ACACB: variants seen among roughly 807,000 people sequenced by gnomAD.
ACACB encodes acetyl-CoA carboxylase 2.
Under a neutral mutation model 278.8 loss-of-function variants are expected in ACACB, and 209 were observed. The ratio of observed to expected loss-of-function variants is 0.75; its 90% CI spans 0.67 to 0.84. The LOEUF (loss-of-function observed/expected upper bound fraction) is 0.84, where lower values mean the gene tolerates loss of function less well. ACACB is among the 40% of genes least tolerant of loss of function. The probability of loss-of-function intolerance (pLI) is 0.00; values close to 1 mark genes in which losing one functional copy is unlikely to be tolerated. For synonymous variants in ACACB, 1,174 were observed against 1,285.6 expected (o/e 0.91, Z 1.86); for missense variants, 2,850 against 3,269.0 (o/e 0.87, Z 3.13).
At chr12:109,209,078 G>C in intron 20 of ACACB, 87 bp from the exon 21 acceptor site, 1 of 1,426,998 alleles carries the variant, frequency 7.0e-7, no homozygotes. Flanking sequence ...GGTCAGGATG[G>C]GTTGAGCTGT....
chr12:109,117,074 G>C (rs1343401476), intron 1 of ACACB, among the ~76,000 whole-genome samples: 27 of 95,570 alleles, frequency 2.8e-4, no homozygotes, highest in Non-Finnish European at 3.9e-4. Context: ...TTTTTTTAAA[G>C]CAGACTAAGG....
chr12:109,196,553 C>T (rs1024813205), intron 16 of ACACB, among the ~76,000 whole-genome samples: 7 of 152,176 alleles, frequency 4.6e-5, no homozygotes, highest in African/African-American at 1.4e-4. Context: ...ATGATCTCAT[C>T]ACCTCCCAAA....
rs759420977 is a variant in ACACB at position 109,164,294 on chromosome 12, G to T, written c.654-2567G>T. ...GTCGCCCAGGCTGGAGTCCAGTGGC[G>T]CGATCTCGGCTTACTGCAACCTCCA... On this transcript the variant is annotated intron_variant, in intron 2 of 52. Coordinates refer to ENST00000338432, the MANE Select transcript of ACACB (RefSeq NM_001093.4). Among the ~76,000 whole-genome samples, 5 of 152,210 alleles carry T rather than the reference G, an allele frequency of 3.3e-5. No individual in the cohort carries two copies. The East Asian group carries it at 9.7e-4, about 29-fold the overall frequency.
At chr12:109,257,977 C>G (rs1455922467) in intron 45 of ACACB, among the ~76,000 whole-genome samples, 1 of 152,230 alleles carries the variant, frequency 6.6e-6, no homozygotes, top group Admixed American at 6.5e-5. Flanking sequence ...TTGGACAGTG[C>G]AGATGGAGAA....
intron 4 of ACACB, among the ~76,000 whole-genome samples, chr12:109,171,566 T>C (rs1565885395): frequency 6.6e-6 from 1 of 151,828 alleles, no homozygotes; most frequent in Non-Finnish European, 1.5e-5. Context: ...CCCAGGCCGG[T>C]TTCGAACTCC....
chr12:109,227,479 C>A lies in ACACB; in HGVS notation c.3991C>A (p.His1331Asn). The stretch of plus-strand genomic sequence containing the variant: ...ATTCCAGTTCATGCTGCCGTCCTCC[C>A]ACCCAAACCGGTATGGAGTGGGACA... ...VEFQFMLPSS[H>N]PNRMTVPISI... The change falls in exon 28 of 53, where the codon CAC becomes AAC. Residue 1331 changes from histidine to asparagine, a missense_variant. Coordinates refer to ENST00000338432, the MANE Select transcript of ACACB (RefSeq NM_001093.4). The A allele has an allele frequency of 6.2e-7, 1 of 1,614,010 alleles. No individual in the cohort carries two copies. The highest frequency in any genetic ancestry group is 8.5e-7 in the Non-Finnish European group (1 of 1,179,938).
At chr12:109,264,147 C>T in intron 49 of ACACB, 85 bp from the exon 50 acceptor site, 1 of 1,435,220 alleles carries the variant, frequency 7.0e-7, no homozygotes, top group Non-Finnish European at 9.5e-7. Flanking sequence ...CTGATTTGTG[C>T]CTTCTTCAAA....
At chr12:109,207,619 G>A (rs190307906) in intron 20 of ACACB, among the ~76,000 whole-genome samples, 2 of 152,326 alleles carry the variant, frequency 1.3e-5, no homozygotes, top group African/African-American at 4.8e-5. Context: ...TCTCAGGAGA[G>A]CAAATCATGA....
intron 41 of ACACB, among the ~76,000 whole-genome samples, chr12:109,250,838 G>T (rs1419638292): frequency 2.0e-5 from 3 of 152,100 alleles, no homozygotes; most frequent in Admixed American, 1.3e-4. Flanking sequence ...ATGAAATGAA[G>T]TACACTTGGA....
intron 1 of ACACB, among the ~76,000 whole-genome samples, chr12:109,135,234 T>G (rs2042937231): frequency 6.6e-6 from 1 of 152,212 alleles, no homozygotes; most frequent in Non-Finnish European, 1.5e-5. Flanking sequence ...TGAAGTGGTA[T>G]CTCACTGTGA....
At chr12:109,210,107 A>ATG (rs779252411) in intron 21 of ACACB, among the ~76,000 whole-genome samples, 1 of 103,284 alleles carries the variant, frequency 9.7e-6, no homozygotes, top group African/African-American at 4.3e-5. Context: ...GTGTGTGTAT[A>ATG]TGTATATATA....
chr12:109,234,801 G>A (rs1413176171), intron 31 of ACACB, among the ~76,000 whole-genome samples: 3 of 152,026 alleles, frequency 2.0e-5, no homozygotes, highest in Non-Finnish European at 4.4e-5. Context: ...GGCCTGTCGG[G>A]GGGTGGGGGC....
intron 18 of ACACB, 80 bp from the exon 19 acceptor site, chr12:109,201,487 G>C (rs2045329172): frequency 3.8e-6 from 6 of 1,562,676 alleles, no homozygotes; most frequent in Middle Eastern, 1.7e-4. Flanking sequence ...GCGCGTCCCT[G>C]CTCCGGCATC....
At position 109,237,448 on chromosome 12, in the gene ACACB, G is replaced by A. The variant is rs1020770765; in HGVS notation, c.4662+68G>A. 23 of 1,491,024 alleles carry A rather than the reference G, an allele frequency of 1.5e-5. No homozygotes were observed. The African/African-American group carries it at 2.6e-4, about 17-fold the overall frequency. The allele number at this position is 1,491,024 out of a possible 1,614,324, so 92.4% of individuals were successfully genotyped here. ...CCTCCCTTCCTTACATTCCTGCTCT[G>A]TGCTGGGTCCTGGGCTGCATGCTGG... On this transcript the variant is annotated intron_variant, in intron 34 of 52. Transcript: ENST00000338432.
rs774678326 is a variant in ACACB at position 109,250,109 on chromosome 12, GTCT to G, written c.5790+12_5790+14del. The stretch of plus-strand genomic sequence containing the variant: ...GAGATCGTCACCATTAGCTTGGTGA[GTCT>G]TCTTCTATTTTCTCTTACTTTTCAA... On this transcript the variant is annotated splice_donor_region_variant and intron_variant, in intron 41 of 52. Transcript: ENST00000338432. 11 of 1,579,300 alleles carry G rather than the reference GTCT, an allele frequency of 7.0e-6. No homozygotes were observed. Among genetic ancestry groups the G allele is most frequent in the East Asian group, 2.3e-5 (1 of 43,888 alleles).
Position 109,127,443 on chromosome 12 carries a change from C to A in ACACB, c.-10+10739C>A, listed in dbSNP as rs376654330. Among the ~76,000 whole-genome samples, 650 of 150,356 alleles carry A rather than the reference C, an allele frequency of 4.3e-3. 7 individuals carry two copies. The highest frequency in any genetic ancestry group is 0.015 in the African/African-American group (613 of 40,962). On this transcript the variant is annotated intron_variant, in intron 1 of 52. Transcript: ENST00000338432. ...ACAGAAAAAAAAAAAACCCAAAAAA[C>A]CAAAAATTAGCTGGGCATGGTGGCA...
Position 109,232,823 on chromosome 12 carries a change from G to C in ACACB, c.4139+17G>C. The C allele has an allele frequency of 6.2e-7, 1 of 1,613,594 alleles. No homozygotes were observed. Among genetic ancestry groups the C allele is most frequent in the South Asian group, 1.1e-5 (1 of 91,014 alleles). ...CTTCACCAGGTACCCAGCATGGCCC[G>C]GTCTCCAACACCCTGAGCATGGGGG... On this transcript the variant is annotated intron_variant, in intron 29 of 52. Transcript: ENST00000338432.
rs151249354 is a variant in ACACB, at chr12:109,213,528, A to G, written c.3350+592A>G. ...CAAAGGAAAGTGGATGAATAATTGTATTTCATCTCAAGTAGTTATTTATTG... is the reference window on the plus strand; with the variant it reads ...CAAAGGAAAGTGGATGAATAATTGTGTTTCATCTCAAGTAGTTATTTATTG... On this transcript the variant is annotated intron_variant, in intron 22 of 52. Coordinates refer to ENST00000338432, the MANE Select transcript of ACACB (RefSeq NM_001093.4). Among the ~76,000 whole-genome samples the G allele has an allele frequency of 1.0e-3, 159 of 152,306 alleles. 1 individual carries two copies. The highest frequency in any genetic ancestry group is 3.6e-3 in the African/African-American group (151 of 41,574).
At chr12:109,112,991 C>T (rs1181498506), upstream of ACACB, 3 of 152,156 alleles carry the variant, frequency 2.0e-5, no homozygotes, top group Admixed American at 2.0e-4. Flanking sequence ...TCCAATAAAA[C>T]TTTATTATTT....
Sources: gnomAD v4.1 joint callset for allele counts (sites outside exome capture counted in the v4.1 genomes callset) on GRCh38, gnomAD v4.1.1 for gene constraint, MANE v1.5 for transcripts, NCBI Gene and HGNC (gene_info 2026-07-23, HGNC 2026-07-21) for gene names.